The following HABP2 variants were observed in gnomAD, a reference collection of about 807,000 sequenced individuals.
HABP2 encodes the protein factor VII-activating protease.
HABP2 carries 65 observed loss-of-function variants against 66.5 expected under a neutral mutation model. The ratio of observed to expected loss-of-function variants is 0.98; its 90% CI spans 0.80 to 1.20. The LOEUF is 1.20. HABP2 is among the 50% of genes most tolerant of loss of function. The pLI, the probability that HABP2 is intolerant of heterozygous loss-of-function variation, is 0.00. For synonymous variants in HABP2, 263 were observed against 253.9 expected, an observed-to-expected ratio of 1.04 and a Z score of -0.34; for missense variants, 786 against 691.0, an observed-to-expected ratio of 1.14 and a Z score of -1.54.
intron 1 of HABP2, among the ~76,000 whole-genome samples, chr10:113,562,099 C>T (rs1316252518): frequency 4.6e-5 from 7 of 152,092 alleles, no homozygotes; most frequent in South Asian, 2.1e-4. Flanking sequence ...AGCCCAAGTG[C>T]GGAGTAGAAT....
chr10:113,554,770 C>T (rs532340171), intron 1 of HABP2, among the ~76,000 whole-genome samples: 13 of 152,078 alleles, frequency 8.5e-5, no homozygotes, highest in Admixed American at 2.0e-4. Flanking sequence ...ATAATGGTCC[C>T]GAAAAATCCC....
Position 113,578,649 on chromosome 10 carries a change from C to T in HABP2, c.591C>T (p.Gly197=), listed in dbSNP as rs150720516. The part of the protein sequence containing the change: ...CEIGSDDCYV[G]DGYSYRGKMN... ...GAGGTTCTGATGACTGCTATGTTGGCGATGGCTACTCTTACCGAGGGAAAA... is the reference window on the plus strand; with the variant it reads ...GAGGTTCTGATGACTGCTATGTTGGTGATGGCTACTCTTACCGAGGGAAAA... Residue 197 remains glycine, a synonymous_variant, in exon 7 of 13, where the codon GGC becomes GGT. Coordinates refer to ENST00000351270, the MANE Select transcript of HABP2 (RefSeq NM_004132.5). 8.7e-6 allele frequency: 14 copies of T among 1,612,526 alleles called. No homozygotes were observed. The highest frequency in any genetic ancestry group is 1.3e-5 in the African/African-American group (1 of 74,756).
upstream of HABP2, chr10:113,552,915 A>T (rs1844922720): frequency 4.0e-6 from 2 of 505,016 alleles, no homozygotes. Flanking sequence ...TTCATGACTC[A>T]GCCCAGCCCC....
At chr10:113,556,888 T>C (rs1467873956) in intron 1 of HABP2, among the ~76,000 whole-genome samples, 10 of 148,334 alleles carry the variant, frequency 6.7e-5, no homozygotes, top group African/African-American at 2.2e-4. Flanking sequence ...TAAGTGATCC[T>C]CTAGCCTTGG....
chr10:113,580,610 C>A lies in HABP2; in HGVS notation c.756C>A (p.Asp252Glu). 2 of 1,579,802 alleles carry A rather than the reference C, an allele frequency of 1.3e-6. No individual in the cohort carries two copies. The highest frequency in any genetic ancestry group is 1.7e-6 in the Non-Finnish European group (2 of 1,148,916). ...EHNFCRNPDA[D>E]EKPWCFIKVT... is the part of the protein sequence containing the mutation. ...TGTATTTTAGAAACCCAGATGCGGA[C>A]GAAAAGCCCTGGTGCTTTATTAAAG... Residue 252 changes from aspartate to glutamate, a missense_variant, in exon 8 of 13, where the codon GAC becomes GAA. By Grantham distance (45) the Asp-to-Glu change is conservative (BLOSUM62 2). Transcript: ENST00000351270.
rs772549279 is a variant in HABP2, at chr10:113,589,038, C to T, written c.*669C>T. 1 of 1,614,058 alleles carries T rather than the reference C, an allele frequency of 6.2e-7. No homozygotes were observed. Among genetic ancestry groups the T allele is most frequent in the Admixed American group, 1.7e-5 (1 of 60,016 alleles). ...TCTCAGTGGCATCTGGGTTCACCTC[C>T]CCACTCTGATGATCTCCAGCCTCCA... is the stretch of plus-strand genomic sequence containing the variant. On this transcript the variant is annotated 3_prime_UTR_variant, in exon 13 of 13. Transcript: ENST00000351270.
chr10:113,557,597 C>A (rs7076012), intron 1 of HABP2, among the ~76,000 whole-genome samples: 4 of 152,156 alleles, frequency 2.6e-5, no homozygotes, highest in Admixed American at 6.5e-5. Context: ...AAATGGTTGG[C>A]GGGGAGGGGG....
intron 1 of HABP2, among the ~76,000 whole-genome samples, chr10:113,553,471 A>T (rs1844935293): frequency 6.6e-6 from 1 of 152,238 alleles, no homozygotes; most frequent in Admixed American, 6.5e-5. Flanking sequence ...CAGGGCATGG[A>T]TTGTAATCTG....
In HABP2 at chr10:113,567,606, A is replaced by G. The variant is rs552928912; in HGVS notation, c.106+81A>G. 1.1e-5 allele frequency: 11 copies of G among 1,023,818 alleles called. No individual in the cohort carries two copies. In the African/African-American group the frequency reaches 1.4e-4, roughly 13 times the overall value. 63.4% of individuals were successfully genotyped at this position (1,023,818 alleles called of 1,614,324 possible). A position where few individuals can be genotyped will look rare whatever the true frequency, so the allele number is the denominator to read the frequency against. On this transcript the variant is annotated intron_variant, in intron 2 of 12. Coordinates refer to ENST00000351270, the MANE Select transcript of HABP2 (RefSeq NM_004132.5). ...GGTGAAAAGGAGGCCTAAGTATGGA[A>G]GTGTTGGAGGGACCTCAGGGTTCAA... is the stretch of plus-strand genomic sequence containing the variant.
At chr10:113,585,139 A>G (rs1845610591) in intron 11 of HABP2, among the ~76,000 whole-genome samples, 1 of 152,190 alleles carries the variant, frequency 6.6e-6, no homozygotes, top group Non-Finnish European at 1.5e-5. Flanking sequence ...GGCTAATTGG[A>G]TTTAGGGTCA....
chr10:113,589,570 GA>G lies in HABP2; in HGVS notation c.*1202del. ...GTTTCACACTTCTTTAGAGCTAGCTGACCTTTGGCCAAAAATAAACTTTGAA... is the reference window on the plus strand; with the variant it reads ...GTTTCACACTTCTTTAGAGCTAGCTGCCTTTGGCCAAAAATAAACTTTGAA... On this transcript the variant is annotated 3_prime_UTR_variant, in exon 13 of 13. Transcript: ENST00000351270. The G allele has an allele frequency of 6.9e-7, 1 of 1,446,830 alleles. No homozygotes were observed. The highest frequency in any genetic ancestry group is 9.4e-7 in the Non-Finnish European group (1 of 1,067,388). The allele number at this position is 1,446,830 out of a possible 1,614,324, so 89.6% of individuals were successfully genotyped here.
intron 4 of HABP2, among the ~76,000 whole-genome samples, chr10:113,576,904 A>G (rs1004211971): frequency 1.3e-5 from 2 of 152,192 alleles, no homozygotes; most frequent in African/African-American, 4.8e-5. Flanking sequence ...AGGTGTAACA[A>G]TTATCAAAGT....
chr10:113,580,772 C>A, intron 8 of HABP2, 80 bp downstream of exon 8: 1 of 746,174 alleles, frequency 1.3e-6, no homozygotes. Context: ...CACCTGGTCC[C>A]TCCCTCACCC....
chr10:113,563,804 C>T (rs1348233635), intron 1 of HABP2, among the ~76,000 whole-genome samples: 1 of 152,176 alleles, frequency 6.6e-6, no homozygotes, highest in Non-Finnish European at 1.5e-5. Context: ...GGACATGGCC[C>T]ACCCTGTTCG....
chr10:113,559,952 T>C (rs4918844), intron 1 of HABP2, among the ~76,000 whole-genome samples: 54,855 of 152,046 alleles, frequency 0.36, 10,579 homozygotes, highest in East Asian at 0.61. Context: ...TGCCCCAATG[T>C]GTCCATGTCC....
At chr10:113,582,191 TC>T in intron 9 of HABP2, 60 bp downstream of exon 9, 1 of 1,509,962 alleles carries the variant, frequency 6.6e-7, no homozygotes, top group Non-Finnish European at 8.9e-7. Flanking sequence ...GCTCTCCCCT[TC>T]CCCTCTGAGC....
At position 113,588,680 on chromosome 10, in the gene HABP2, C is replaced by G. The variant is rs990291477; in HGVS notation, c.*311C>G. The G allele has an allele frequency of 3.2e-5, 17 of 534,558 alleles. No individual in the cohort carries two copies. Among genetic ancestry groups the G allele is most frequent in the Non-Finnish European group, 5.6e-5 (17 of 304,740 alleles). 33.1% of individuals were successfully genotyped at this position (534,558 alleles called of 1,614,324 possible). A position where few individuals can be genotyped will look rare whatever the true frequency, so the allele number is the denominator to read the frequency against. ...TCACAGAGACTGCCTCCACCACAGG[C>G]ATCCTGCAAATGCAGACTCCAGAAT... On this transcript the variant is annotated 3_prime_UTR_variant, in exon 13 of 13. Coordinates refer to ENST00000351270, the MANE Select transcript of HABP2 (RefSeq NM_004132.5).
In HABP2 at chr10:113,582,117, T is replaced by C. The variant is rs1313242534; in HGVS notation, c.1080T>C (p.Ala360=). The C allele has an allele frequency of 1.2e-6, 2 of 1,607,050 alleles. No individual in the cohort carries two copies. The highest frequency in any genetic ancestry group is 3.3e-5 in the Admixed American group (2 of 59,892). ...TCCACCCCTGCTGGGTGCTCACTGCTGCCCACTGCACCGAGTAGGTGCCGC... is the reference window on the plus strand; with the variant it reads ...TCCACCCCTGCTGGGTGCTCACTGCCGCCCACTGCACCGAGTAGGTGCCGC... ...ALIHPCWVLT[A]AHCTDIKTRH... is the part of the protein sequence containing the mutation. Residue 360 remains alanine, a synonymous_variant, in exon 9 of 13, where the codon GCT becomes GCC. Transcript: ENST00000351270.
At chr10:113,586,478 G>C (rs56105209) in intron 12 of HABP2, among the ~76,000 whole-genome samples, 2 of 131,108 alleles carry the variant, frequency 1.5e-5, no homozygotes, top group African/African-American at 2.9e-5. Context: ...GTGTGTGTGG[G>C]GGGGGGGGGG....
Sources: gnomAD v4.1 joint callset for allele counts (sites outside exome capture counted in the v4.1 genomes callset) on GRCh38, gnomAD v4.1.1 for gene constraint, MANE v1.5 for transcripts, NCBI Gene and HGNC (gene_info 2026-07-23, HGNC 2026-07-21) for gene names.